The following EIF2AK3 variants were observed in gnomAD, a reference collection of about 807,000 sequenced individuals.
EIF2AK3 encodes the protein eukaryotic translation initiation factor 2 alpha kinase 3, also known as eukaryotic translation initiation factor 2-alpha kinase 3.
A neutral mutation model predicts 113.5 loss-of-function variants in EIF2AK3; 50 were observed. The ratio of observed to expected loss-of-function variants is 0.44; its 90% CI spans 0.35 to 0.56. The LOEUF is 0.56. EIF2AK3 is among the 20% of genes least tolerant of loss of function. The pLI is 0.00. For synonymous variants in EIF2AK3, 448 were observed against 495.4 expected (o/e 0.90, Z 1.27); for missense variants, 1,185 against 1,378.0 (o/e 0.86, Z 2.22).
chr2:88,612,325 C>T (rs1373894980), intron 2 of EIF2AK3, among the ~76,000 whole-genome samples: 1 of 152,158 alleles, frequency 6.6e-6, no homozygotes, highest in African/African-American at 2.4e-5. Context: ...TTTTGCTGAT[C>T]ATCTCTTATG....
intron 6 of EIF2AK3, among the ~76,000 whole-genome samples, chr2:88,589,959 T>C (rs1309640325): frequency 6.6e-6 from 1 of 152,110 alleles, no homozygotes; most frequent in Admixed American, 6.6e-5. Context: ...AGAATTGGGC[T>C]GGGCGTGGTG....
chr2:88,589,966 G>C (rs1017112067), intron 6 of EIF2AK3, among the ~76,000 whole-genome samples: 1 of 152,144 alleles, frequency 6.6e-6, no homozygotes, highest in African/African-American at 2.4e-5. Context: ...GGCTGGGCGT[G>C]GTGGCTCATG....
At chr2:88,590,248 A>C (rs978807636) in intron 6 of EIF2AK3, among the ~76,000 whole-genome samples, 195 bp downstream of exon 6, 12 of 152,146 alleles carry the variant, frequency 7.9e-5, no homozygotes, top group Admixed American at 2.0e-4. Flanking sequence ...ACAACAACAA[A>C]AAAATTTTCA....
At chr2:88,567,353 T>TG (rs1491564929) in intron 14 of EIF2AK3, among the ~76,000 whole-genome samples, 39 of 152,238 alleles carry the variant, frequency 2.6e-4, no homozygotes, top group African/African-American at 9.4e-4. Context: ...TGCTGCAGTT[T>TG]GTGTTTGTCG....
At chr2:88,612,793 A>G (rs967642693) in intron 2 of EIF2AK3, among the ~76,000 whole-genome samples, 1 of 152,188 alleles carries the variant, frequency 6.6e-6, no homozygotes, top group Non-Finnish European at 1.5e-5. Context: ...TCCATACTTA[A>G]TATCAGCTAG....
chr2:88,590,408 T>C (rs1480186648), intron 6 of EIF2AK3, 35 bp downstream of exon 6: 2 of 1,609,576 alleles, frequency 1.2e-6, no homozygotes, highest in Non-Finnish European at 1.7e-6. Context: ...TAGATGTCAA[T>C]GTGTACTATC....
At chr2:88,594,233 C>A (rs1055553055) in intron 3 of EIF2AK3, among the ~76,000 whole-genome samples, 1 of 152,248 alleles carries the variant, frequency 6.6e-6, no homozygotes, top group Non-Finnish European at 1.5e-5. Context: ...TGTATATAAA[C>A]CGTTTACACG....
rs750939022 is a variant in EIF2AK3, at chr2:88,588,760, C to G, written c.1306+1G>C. On this transcript the variant is annotated splice_donor_variant, in intron 7 of 16. Coordinates refer to ENST00000303236, the MANE Select transcript of EIF2AK3 (RefSeq NM_004836.7). LOFTEE classifies it high-confidence loss of function. ...TTTAGAAAAGTTTACAATTCACTTA[C>G]GAATTAAGGGTTTCCATTTGATTGT... 1 of 1,613,382 alleles carries G rather than the reference C, an allele frequency of 6.2e-7. No homozygotes were observed. The highest frequency in any genetic ancestry group is 1.3e-5 in the African/African-American group (1 of 74,846).
At chr2:88,574,519 C>T in intron 13 of EIF2AK3, 147 bp downstream of exon 13, 1 of 927,906 alleles carries the variant, frequency 1.1e-6, no homozygotes, top group Middle Eastern at 3.3e-4. Flanking sequence ...TGCAGCAGGC[C>T]CCTTCGAGGC....
intron 11 of EIF2AK3, among the ~76,000 whole-genome samples, chr2:88,577,598 C>G (rs111251357): frequency 1.1e-3 from 162 of 151,988 alleles, no homozygotes; most frequent in African/African-American, 3.7e-3. Context: ...AGGCTGGTCT[C>G]GAACTCCTGG....
chr2:88,627,408 T>A lies in EIF2AK3; in HGVS notation c.-134A>T. 8.7e-7 allele frequency: 1 copy of A among 1,147,188 alleles called. No individual in the cohort carries two copies. The highest frequency in any genetic ancestry group is 2.3e-5 in the South Asian group (1 of 43,740). The allele number at this position is 1,147,188 out of a possible 1,614,324, so 71.1% of individuals were successfully genotyped here. On this transcript the variant is annotated 5_prime_UTR_variant, in exon 1 of 17. Transcript: ENST00000303236. The stretch of plus-strand genomic sequence containing the variant: ...CCCCGACGGCCTGGACAGCCAGCCG[T>A]GTTCCCCTGGCCACGTCTCAGCCCG...
chr2:88,562,163 A>T (rs1362572342), intron 15 of EIF2AK3, 126 bp downstream of exon 15: 3 of 739,144 alleles, frequency 4.1e-6, no homozygotes, highest in Non-Finnish European at 7.1e-6. Flanking sequence ...TACTCACATC[A>T]CCTCTTTCAC....
At chr2:88,587,867 G>T in intron 8 of EIF2AK3, 115 bp downstream of exon 8, 1 of 730,076 alleles carries the variant, frequency 1.4e-6, no homozygotes, top group Non-Finnish European at 2.1e-6. Context: ...AATCATTCAT[G>T]AAATTGTCTC....
intron 2 of EIF2AK3, among the ~76,000 whole-genome samples, chr2:88,604,248 GC>G (rs1224808755): frequency 6.6e-6 from 1 of 151,982 alleles, no homozygotes; most frequent in Non-Finnish European, 1.5e-5. Flanking sequence ...CCTGATCCTG[GC>G]CCACCTCAAT....
intron 2 of EIF2AK3, among the ~76,000 whole-genome samples, chr2:88,608,882 ATTT>A (rs70958959): frequency 7.1e-5 from 9 of 126,640 alleles, no homozygotes; most frequent in Admixed American, 3.9e-4. Flanking sequence ...TAATTTTTGT[ATTT>A]TTTTTTTTTT....
chr2:88,627,898 T>A (rs376762830), upstream of EIF2AK3: 1 of 152,478 alleles, frequency 6.6e-6, no homozygotes, highest in Non-Finnish European at 1.5e-5. Context: ...TGAAGAGGAC[T>A]GTCCCAAGTG....
Position 88,627,395 on chromosome 2 carries a change from G to C in EIF2AK3, c.-121C>G, listed in dbSNP as rs1373975615. The C allele has an allele frequency of 8.1e-7, 1 of 1,228,798 alleles. No homozygotes were observed. Among genetic ancestry groups the C allele is most frequent in the Admixed American group, 3.9e-5 (1 of 25,862 alleles). 76.1% of individuals were successfully genotyped at this position (1,228,798 alleles called of 1,614,324 possible). A position where few individuals can be genotyped will look rare whatever the true frequency, so the allele number is the denominator to read the frequency against. On this transcript the variant is annotated 5_prime_UTR_variant, in exon 1 of 17. Coordinates refer to ENST00000303236, the MANE Select transcript of EIF2AK3 (RefSeq NM_004836.7). ...GACCCTACTGCCGCCCCGACGGCCT[G>C]GACAGCCAGCCGTGTTCCCCTGGCC...
chr2:88,561,748 A>G (rs1673965695), intron 15 of EIF2AK3, among the ~76,000 whole-genome samples: 1 of 152,106 alleles, frequency 6.6e-6, no homozygotes, highest in Admixed American at 6.5e-5. Context: ...GGTCCCAGCT[A>G]CTGGGGAGAC....
intron 2 of EIF2AK3, among the ~76,000 whole-genome samples, chr2:88,602,963 A>C (rs1430444107): frequency 6.6e-6 from 1 of 152,180 alleles, no homozygotes; most frequent in African/African-American, 2.4e-5. Flanking sequence ...TTAAAGTAAA[A>C]AAAAAAGAAA....
Sources: gnomAD v4.1 joint callset for allele counts (sites outside exome capture counted in the v4.1 genomes callset) on GRCh38, gnomAD v4.1.1 for gene constraint, MANE v1.5 for transcripts, NCBI Gene and HGNC (gene_info 2026-07-23, HGNC 2026-07-21) for gene names.